STRN3: variants seen among roughly 807,000 people sequenced by gnomAD.
STRN3 encodes striatin 3.
In STRN3, 29 loss-of-function variants were observed where a neutral mutation model predicts 95.6. The ratio of observed to expected loss-of-function variants is 0.30; its 90% CI spans 0.23 to 0.41. STRN3 has a LOEUF of 0.41. STRN3 is among the 10% of genes least tolerant of loss of function. STRN3 has a pLI of 1.00. For synonymous variants in STRN3, 331 were observed against 357.6 expected (o/e 0.93, Z 0.84); for missense variants, 890 against 972.1 (o/e 0.92, Z 1.12).
At chr14:30,899,004 T>A (rs190132674) in intron 16 of STRN3, among the ~76,000 whole-genome samples, 5 of 152,202 alleles carry the variant, frequency 3.3e-5, no homozygotes, top group African/African-American at 1.2e-4. Flanking sequence ...TAGTACTATA[T>A]CTACCTTACA....
intron 5 of STRN3, among the ~76,000 whole-genome samples, chr14:30,941,288 C>A (rs981222553): frequency 3.3e-5 from 5 of 152,174 alleles, no homozygotes; most frequent in African/African-American, 1.2e-4. Flanking sequence ...AGGACACAGG[C>A]CCAGCCATTT....
At chr14:31,005,258 G>A (rs529092883) in intron 1 of STRN3, among the ~76,000 whole-genome samples, 1 of 152,224 alleles carries the variant, frequency 6.6e-6, no homozygotes, top group African/African-American at 2.4e-5. Context: ...CTTGAACCCA[G>A]GAGTCGGAAG....
intron 8 of STRN3, among the ~76,000 whole-genome samples, chr14:30,919,336 AT>A (rs200933692): frequency 0.018 from 2,747 of 151,520 alleles, 78 homozygotes; most frequent in African/African-American, 0.062. Context: ...ACATATCTAT[AT>A]TACATATATG....
intron 16 of STRN3, among the ~76,000 whole-genome samples, chr14:30,901,299 T>C (rs1896307891): frequency 6.6e-6 from 1 of 151,622 alleles, no homozygotes; most frequent in Non-Finnish European, 1.5e-5. Context: ...AAAATTTAAA[T>C]ATTTTTTTTA....
chr14:30,951,145 T>A (rs528199233), intron 3 of STRN3, among the ~76,000 whole-genome samples: 67 of 152,326 alleles, frequency 4.4e-4, no homozygotes, highest in African/African-American at 1.5e-3. Flanking sequence ...TTAAGTACTA[T>A]GTCCCCCATT....
intron 1 of STRN3, among the ~76,000 whole-genome samples, chr14:30,969,270 C>T (rs1880704266): frequency 1.3e-5 from 2 of 152,062 alleles, no homozygotes; most frequent in Non-Finnish European, 2.9e-5. Context: ...ACCATCTCTA[C>T]TAAAAATATA....
intron 1 of STRN3, among the ~76,000 whole-genome samples, chr14:31,011,821 T>C (rs1480635113): frequency 1.3e-5 from 2 of 152,140 alleles, no homozygotes; most frequent in Non-Finnish European, 1.5e-5. Context: ...GGCTAACGGA[T>C]GTAATCCCAG....
chr14:30,904,046 G>C (rs1432675439), intron 15 of STRN3, among the ~76,000 whole-genome samples: 1 of 152,044 alleles, frequency 6.6e-6, no homozygotes, highest in Non-Finnish European at 1.5e-5. Flanking sequence ...CATTGAAAAA[G>C]CCTAACACAA....
intron 13 of STRN3, among the ~76,000 whole-genome samples, chr14:30,909,568 C>T (rs1476794060): frequency 6.6e-6 from 1 of 152,192 alleles, no homozygotes; most frequent in Non-Finnish European, 1.5e-5. Context: ...GCCTTTACTT[C>T]TCACACTCAA....
At chr14:30,979,629 T>C (rs951636914) in intron 1 of STRN3, among the ~76,000 whole-genome samples, 1 of 152,174 alleles carries the variant, frequency 6.6e-6, no homozygotes, top group South Asian at 2.1e-4. Context: ...AGATAGAGTC[T>C]CGCTCTGTCG....
chr14:30,958,261 C>T (rs1007751630), intron 1 of STRN3, among the ~76,000 whole-genome samples: 3 of 152,056 alleles, frequency 2.0e-5, no homozygotes, highest in Non-Finnish European at 2.9e-5. Flanking sequence ...GAGTGAGCTA[C>T]GATCACATCA....
chr14:30,929,967 A>AAAAAAAAAAAAACAAAAAAAAAAAAAC (rs1555317337), intron 7 of STRN3, among the ~76,000 whole-genome samples: 3 of 91,122 alleles, frequency 3.3e-5, no homozygotes, highest in African/African-American at 1.2e-4. Context: ...AAAAAAAAAA[A>AAAAAAAAAAAAACAAAAAAAAAAAAAC]AAAAAAAAAA....
intron 1 of STRN3, among the ~76,000 whole-genome samples, chr14:30,958,619 T>G (rs1189101424): frequency 2.0e-5 from 3 of 152,232 alleles, no homozygotes. Flanking sequence ...CTCTCAATTT[T>G]CAGATCTAAT....
At chr14:30,947,325 C>A (rs553723504) in intron 4 of STRN3, 62 bp from the exon 5 acceptor site, 630 of 1,359,570 alleles carry the variant, frequency 4.6e-4, no homozygotes, top group Non-Finnish European at 5.9e-4. Context: ...CTCAAAATCA[C>A]ATCAAATTTT....
intron 1 of STRN3, among the ~76,000 whole-genome samples, chr14:30,975,401 G>GA (rs1197004707): frequency 6.6e-6 from 1 of 151,778 alleles, no homozygotes; most frequent in Non-Finnish European, 1.5e-5. Context: ...GGACTTGAGA[G>GA]AAAAAATGGG....
At chr14:30,909,631 C>T (rs1300756048) in intron 13 of STRN3, among the ~76,000 whole-genome samples, 1 of 152,102 alleles carries the variant, frequency 6.6e-6, no homozygotes, top group Non-Finnish European at 1.5e-5. Context: ...GCATGTGACA[C>T]CCCATCTGGC....
intron 1 of STRN3, among the ~76,000 whole-genome samples, chr14:30,990,312 G>A (rs1032831197): frequency 1.1e-4 from 16 of 151,660 alleles, no homozygotes; most frequent in African/African-American, 3.2e-4. Flanking sequence ...ATAGGTGCCC[G>A]CCACCAGCAC....
rs773800545 is a variant in STRN3 at position 31,026,089 on chromosome 14, C to A, written c.97G>T (p.Gly33Trp). 2.0e-6 allele frequency: 3 copies of A among 1,528,178 alleles called. No individual in the cohort carries two copies. In the South Asian group the frequency reaches 3.6e-5, roughly 18 times the overall value. 94.7% of individuals were successfully genotyped at this position (1,528,178 alleles called of 1,614,324 possible). A position where few individuals can be genotyped will look rare whatever the true frequency, so the allele number is the denominator to read the frequency against. Reference sequence around the variant, plus strand: ...CCGCCGCCCGCCGCTCCGTTCCCCCCGGGCGAAAGGCCCAGGTTCCCCCCA... The same window carrying A: ...CCGCCGCCCGCCGCTCCGTTCCCCCAGGGCGAAAGGCCCAGGTTCCCCCCA... ...GPGGNLGLSP[G>W]GNGAAGGGGP... The change falls in exon 1 of 18, where the codon GGG (glycine) becomes TGG (tryptophan). Residue 33 changes from glycine to tryptophan, a missense_variant. Transcript: ENST00000357479.
chr14:30,954,416 G>A (rs1432381120), intron 3 of STRN3, among the ~76,000 whole-genome samples: 1 of 151,840 alleles, frequency 6.6e-6, no homozygotes, highest in Non-Finnish European at 1.5e-5. Flanking sequence ...TGATTTCTTT[G>A]GGGGTATATA....
Sources: allele counts gnomAD v4.1 joint callset (sites outside exome capture counted in the v4.1 genomes callset), GRCh38; gene constraint gnomAD v4.1.1; transcripts MANE v1.5; gene names NCBI Gene and HGNC (gene_info 2026-07-23, HGNC 2026-07-21).